Variants in SLC6A5 observed in about 807,000 individuals in gnomAD.
SLC6A5 encodes the protein sodium- and chloride-dependent glycine transporter 2.
A neutral mutation model predicts 90.5 loss-of-function variants in SLC6A5; 58 were observed. The observed-to-expected ratio is 0.64, with a 90% CI of 0.52 to 0.80. SLC6A5 has a LOEUF of 0.80. Among genes scored for constraint, SLC6A5 ranks in the 30% least tolerant of loss-of-function variants. SLC6A5 has a pLI of 0.00. For synonymous variants in SLC6A5, 427 were observed against 401.4 expected (o/e 1.06, Z -0.76); for missense variants, 1,015 against 1,017.6 (o/e 1.00, Z 0.03).
In SLC6A5 at chr11:20,604,353, C is replaced by T; in HGVS notation, c.608C>T (p.Ser203Phe). The T allele has an allele frequency of 6.2e-7, 1 of 1,614,120 alleles. No individual in the cohort carries two copies. Among genetic ancestry groups the T allele is most frequent in the Non-Finnish European group, 8.5e-7 (1 of 1,179,988 alleles). ...NWSSKLDFIL[S>F]MVGYAVGLGN... ...TCCAGCAAACTGGACTTCATCCTGT[C>T]CATGGTGGGGTACGCAGTGGGGCTG... The change falls in exon 3 of 16, where the codon TCC becomes TTC. Residue 203 changes from serine to phenylalanine, a missense_variant. Transcript: ENST00000525748.
chr11:20,607,209 C>T, intron 4 of SLC6A5, 71 bp downstream of exon 4: 1 of 1,549,432 alleles, frequency 6.5e-7, no homozygotes, highest in South Asian at 1.2e-5. Context: ...CATGCAGCCC[C>T]AGGGAGGGAG....
intron 7 of SLC6A5, among the ~76,000 whole-genome samples, chr11:20,624,579 G>C (rs917658204): frequency 2.6e-5 from 4 of 152,024 alleles, no homozygotes; most frequent in African/African-American, 2.4e-5. Flanking sequence ...CCAGGTACTC[G>C]AGTCTGTGCA....
intron 11 of SLC6A5, 79 bp downstream of exon 11, chr11:20,636,498 C>A: frequency 1.1e-6 from 1 of 892,148 alleles, no homozygotes; most frequent in Non-Finnish European, 1.9e-6. Context: ...GTTCACCCTT[C>A]AGGAGAGGGG....
intron 10 of SLC6A5, among the ~76,000 whole-genome samples, chr11:20,635,714 C>A (rs979133532): frequency 6.6e-6 from 1 of 152,054 alleles, no homozygotes; most frequent in Non-Finnish European, 1.5e-5. Flanking sequence ...ACTTTTAGAG[C>A]GGGGATTCTC....
At chr11:20,631,072 T>C (rs1853100727) in intron 10 of SLC6A5, among the ~76,000 whole-genome samples, 1 of 152,220 alleles carries the variant, frequency 6.6e-6, no homozygotes, top group Non-Finnish European at 1.5e-5. Context: ...CCTCTTACCT[T>C]GCCCCTCTTA....
chr11:20,654,611 C>T (rs1032486098), intron 15 of SLC6A5, 102 bp from the exon 16 acceptor site: 3 of 1,163,824 alleles, frequency 2.6e-6, no homozygotes, highest in Non-Finnish European at 3.9e-6. Flanking sequence ...AGCAAGGACT[C>T]TGGTCAAAGT....
At chr11:20,616,891 G>C (rs1852792591) in intron 6 of SLC6A5, among the ~76,000 whole-genome samples, 1 of 152,228 alleles carries the variant, frequency 6.6e-6, no homozygotes, top group African/African-American at 2.4e-5. Flanking sequence ...GTCCTACAGA[G>C]CCTGGATGCT....
chr11:20,655,292 G>T lies in SLC6A5; in HGVS notation c.*424G>T. 3.9e-6 allele frequency: 1 copy of T among 254,866 alleles called. No individual in the cohort carries two copies. The highest frequency in any genetic ancestry group is 4.8e-5 in the Admixed American group (1 of 20,764). 15.8% of individuals were successfully genotyped at this position (254,866 alleles called of 1,614,324 possible). ...GACTTGAACAGAACTGAGCAATGTG[G>T]TGATCTTGTTCAGACACACAAAGTT... is the stretch of plus-strand genomic sequence containing the variant. On this transcript the variant is annotated 3_prime_UTR_variant, in exon 16 of 16. Transcript: ENST00000525748.
Position 20,601,335 on chromosome 11 carries a change from C to A in SLC6A5, c.210C>A (p.Cys70Ter), listed in dbSNP as rs1341887820. 2 of 1,596,524 alleles carry A rather than the reference C, an allele frequency of 1.3e-6. No individual in the cohort carries two copies. Among genetic ancestry groups the A allele is most frequent in the Admixed American group, 1.7e-5 (1 of 58,502 alleles). The change falls in exon 2 of 16, where the codon TGC (cysteine) becomes TGA (stop). Residue 70 changes from cysteine (C) to a stop codon, truncating the protein, a stop_gained. Transcript: ENST00000525748. LOFTEE classifies it high-confidence loss of function. ...QTFQSADARA[C>*]EAERPGVGSC... is the part of the protein sequence containing the mutation. Reference sequence around the variant, plus strand: ...TCCAGTCAGCGGACGCGCGAGCCTGCGAGGCTGAGCGGCCAGGAGTGGGGT... The same window carrying A: ...TCCAGTCAGCGGACGCGCGAGCCTGAGAGGCTGAGCGGCCAGGAGTGGGGT...
Position 20,614,467 on chromosome 11 carries a change from C to T in SLC6A5, c.986-212C>T, listed in dbSNP as rs371835129. Among the ~76,000 whole-genome samples the T allele has an allele frequency of 6.6e-5, 10 of 152,214 alleles. 1 individual carries two copies. Among genetic ancestry groups the T allele is most frequent in the Non-Finnish European group, 1.5e-5 (1 of 68,050 alleles). On this transcript the variant is annotated intron_variant, in intron 5 of 15. Transcript: ENST00000525748. ...ATGCCTTTGTCATCAGTACAAGGTG[C>T]AGTTGTGGGGACTGGGGGCTCTGAT...
In SLC6A5 at chr11:20,637,198, C is replaced by T; in HGVS notation, c.1764C>T (p.Thr588=). 1 of 1,613,932 alleles carries T rather than the reference C, an allele frequency of 6.2e-7. No homozygotes were observed. The change falls in exon 12 of 16, where the codon ACC becomes ACT. Residue 588 remains threonine, a synonymous_variant. Coordinates refer to ENST00000525748, the MANE Select transcript of SLC6A5 (RefSeq NM_004211.5). ...TTGCCACCATCGAGACCATAGTGAC[C>T]TCCATCTCAGACGAGTTTCCCAAGT... ...TMFATIETIV[T]SISDEFPKYL... is the part of the protein sequence containing the mutation.
chr11:20,601,327 C>G lies in SLC6A5; in HGVS notation c.202C>G (p.Arg68Gly), dbSNP rs909214394. 3 of 1,593,840 alleles carry G rather than the reference C, an allele frequency of 1.9e-6. No individual in the cohort carries two copies. The African/African-American group carries it at 4.0e-5, about 21-fold the overall frequency. Residue 68 changes from arginine to glycine, a missense_variant, in exon 2 of 16, where the codon CGA becomes GGA. Physicochemically the swap from Arg to Gly is moderately radical, Grantham distance 125. Coordinates refer to ENST00000525748, the MANE Select transcript of SLC6A5 (RefSeq NM_004211.5). ...CCAAACTTTCCAGTCAGCGGACGCG[C>G]GAGCCTGCGAGGCTGAGCGGCCAGG... is the stretch of plus-strand genomic sequence containing the variant. ...GAQTFQSADA[R>G]ACEAERPGVG...
chr11:20,648,423 C>T (rs561752013), intron 14 of SLC6A5, among the ~76,000 whole-genome samples: 1 of 152,280 alleles, frequency 6.6e-6, no homozygotes, highest in East Asian at 1.9e-4. Flanking sequence ...TCTGCGTTGA[C>T]ATGAACATCA....
Position 20,617,924 on chromosome 11 carries a change from C to A in SLC6A5, c.1260+40C>A, listed in dbSNP as rs754024980. ...TTATCTAAGAGAAAGCTGTGAGACA[C>A]CCAGGGGCGGTTGCTTTGGGGAGCA... On this transcript the variant is annotated intron_variant, in intron 7 of 15. Transcript: ENST00000525748. 2.5e-6 allele frequency: 4 copies of A among 1,607,666 alleles called. No individual in the cohort carries two copies. The Admixed American group carries it at 6.7e-5, about 27-fold the overall frequency.
intron 13 of SLC6A5, among the ~76,000 whole-genome samples, chr11:20,642,459 C>T (rs189294631): frequency 2.2e-4 from 33 of 152,212 alleles, no homozygotes; most frequent in Non-Finnish European, 3.8e-4. Context: ...ATGAGTTCAC[C>T]ACCTTCTTTC....
chr11:20,604,229 G>T, intron 2 of SLC6A5, 57 bp from the exon 3 acceptor site: 1 of 1,557,872 alleles, frequency 6.4e-7, no homozygotes, highest in Non-Finnish European at 8.7e-7. Context: ...GGGTGGAAGG[G>T]GCCTGCTTGT....
Position 20,644,031 on chromosome 11 carries a change from A to G in SLC6A5, c.1970-2803A>G, listed in dbSNP as rs141834078. ...TTGAAGTACAATGTACATACATGAT[A>G]TATTTTTCATTTATTTATGTATTTT... is the stretch of plus-strand genomic sequence containing the variant. On this transcript the variant is annotated intron_variant, in intron 13 of 15. Transcript: ENST00000525748. Among the ~76,000 whole-genome samples the G allele has an allele frequency of 1.9e-4, 29 of 152,260 alleles. 1 individual carries two copies. Among genetic ancestry groups the G allele is most frequent in the Non-Finnish European group, 4.4e-5 (3 of 68,022 alleles).
intron 10 of SLC6A5, among the ~76,000 whole-genome samples, chr11:20,634,668 G>T (rs140384366): frequency 1.3e-5 from 2 of 152,208 alleles, no homozygotes; most frequent in African/African-American, 2.4e-5. Context: ...AGCCTTCAGA[G>T]GCTGGCTCTA....
intron 10 of SLC6A5, among the ~76,000 whole-genome samples, chr11:20,631,294 A>G (rs1853105090): frequency 6.6e-6 from 1 of 152,190 alleles, no homozygotes; most frequent in Non-Finnish European, 1.5e-5. Context: ...TTGTTAGGTC[A>G]AATGTGCTTT....
Sources: allele counts gnomAD v4.1 joint callset (sites outside exome capture counted in the v4.1 genomes callset), GRCh38; gene constraint gnomAD v4.1.1; transcripts MANE v1.5; gene names NCBI Gene and HGNC (gene_info 2026-07-23, HGNC 2026-07-21).